The following EFHC1 variants were observed in gnomAD, a reference collection of about 807,000 sequenced individuals.
The protein encoded by EFHC1 is EF-hand domain-containing protein 1.
Under a neutral mutation model 69.9 loss-of-function variants are expected in EFHC1, and 53 were observed. That is an observed-to-expected ratio of 0.76 (90% CI 0.61 to 0.95). EFHC1 has a LOEUF of 0.95. Among genes scored for constraint, EFHC1 ranks in the 40% least tolerant of loss-of-function variants. EFHC1 has a pLI of 0.00. For missense variants in EFHC1, 739 were observed against 798.7 expected (o/e 0.93, Z 0.90); for synonymous variants, 256 against 278.4 (o/e 0.92, Z 0.80).
At chr6:52,450,899 A>G (rs929404916) in intron 3 of EFHC1, among the ~76,000 whole-genome samples, 2 of 152,116 alleles carry the variant, frequency 1.3e-5, no homozygotes, top group African/African-American at 4.8e-5. Context: ...CCCAGGCTCA[A>G]GTGATTCTCC....
Position 52,493,383 on chromosome 6 carries a change from TA to T in EFHC1, c.*1043del. The T allele has an allele frequency of 4.5e-6, 1 of 223,968 alleles. No individual in the cohort carries two copies. Among genetic ancestry groups the T allele is most frequent in the Non-Finnish European group, 8.8e-6 (1 of 113,216 alleles). The allele number at this position is 223,968 out of a possible 1,614,324, so 13.9% of individuals were successfully genotyped here. On this transcript the variant is annotated 3_prime_UTR_variant, in exon 11 of 11. Transcript: ENST00000371068. ...CTCTCTACATATATATATATATATA[TA>T]TTTTATATGTACACATTCATACACA...
At chr6:52,458,964 G>A (rs189918724) in intron 5 of EFHC1, among the ~76,000 whole-genome samples, 193 of 152,284 alleles carry the variant, frequency 1.3e-3, no homozygotes, top group Non-Finnish European at 2.1e-3. Context: ...CAGCAACGTG[G>A]ATGCAGGTAG....
chr6:52,469,526 C>T (rs914037144), intron 7 of EFHC1, 53 bp downstream of exon 7: 2 of 1,605,714 alleles, frequency 1.2e-6, no homozygotes, highest in African/African-American at 1.3e-5. Flanking sequence ...GTACTGTGTA[C>T]AATTGTTTAT....
Position 52,424,087 on chromosome 6 carries a change from G to T in EFHC1, c.205G>T (p.Ala69Ser). ...TGAGCTGGATGAGTTGGCCAGTAAG[G>T]CACCAGTCTTAACTTATGGCCAACC... is the stretch of plus-strand genomic sequence containing the variant. The part of the protein sequence containing the change: ...QAELDELASK[A>S]PVLTYGQPKQ... Residue 69 changes from alanine to serine, a missense_variant, in exon 2 of 11, where the codon GCA (alanine) becomes TCA (serine). Transcript: ENST00000371068. 6.2e-7 allele frequency: 1 copy of T among 1,614,148 alleles called. No homozygotes were observed. Among genetic ancestry groups the T allele is most frequent in the African/African-American group, 1.3e-5 (1 of 75,012 alleles).
intron 3 of EFHC1, among the ~76,000 whole-genome samples, chr6:52,448,651 T>G (rs566640657): frequency 4.6e-5 from 7 of 152,326 alleles, no homozygotes; most frequent in Non-Finnish European, 1.5e-5. Context: ...GCTGGGAGCT[T>G]CAGACTGGAG....
chr6:52,423,010 T>G (rs1316181256), intron 1 of EFHC1, among the ~76,000 whole-genome samples: 3 of 152,258 alleles, frequency 2.0e-5, no homozygotes, highest in Admixed American at 6.5e-5. Flanking sequence ...TTCATATGAC[T>G]GTCTTTTAGA....
chr6:52,428,919 T>G (rs2113970863), intron 2 of EFHC1, among the ~76,000 whole-genome samples: 1 of 152,366 alleles, frequency 6.6e-6, no homozygotes, highest in South Asian at 2.1e-4. Flanking sequence ...ATTGTGGTTT[T>G]GATTTACATT....
chr6:52,435,790 CT>C, intron 2 of EFHC1, among the ~76,000 whole-genome samples: 1 of 152,302 alleles, frequency 6.6e-6, no homozygotes, highest in Admixed American at 6.5e-5. Flanking sequence ...GATCTAAAAT[CT>C]TTCACTCTTC....
At chr6:52,421,097 A>T in intron 1 of EFHC1, 2 of 940,538 alleles carry the variant, frequency 2.1e-6, no homozygotes, top group East Asian at 1.2e-4. Flanking sequence ...TTATGCTTGC[A>T]TCCAACCCCA....
chr6:52,479,840 T>C lies in EFHC1; in HGVS notation c.1640+53T>C, dbSNP rs1765636847. On this transcript the variant is annotated intron_variant, in intron 9 of 10. Transcript: ENST00000371068. ...ACACTCAAGATATTCAGGAAGTAAT[T>C]CTTGAGAAAACAAATGAGTAATCAC... is the stretch of plus-strand genomic sequence containing the variant. 4 of 1,607,596 alleles carry C rather than the reference T, an allele frequency of 2.5e-6. No individual in the cohort carries two copies. In the Admixed American group the frequency reaches 5.0e-5, roughly 20 times the overall value.
intron 3 of EFHC1, among the ~76,000 whole-genome samples, chr6:52,439,128 C>T (rs924871662): frequency 6.6e-6 from 1 of 151,968 alleles, no homozygotes; most frequent in East Asian, 1.9e-4. Context: ...TCCTCTATTT[C>T]GTAAGTTTGG....
intron 6 of EFHC1, among the ~76,000 whole-genome samples, chr6:52,465,707 T>G (rs1343800864): frequency 6.6e-6 from 1 of 151,500 alleles, no homozygotes; most frequent in East Asian, 1.9e-4. Context: ...CTCGGGAGGC[T>G]GAGGCATGAG....
At chr6:52,460,033 C>T (rs2114002572) in intron 5 of EFHC1, among the ~76,000 whole-genome samples, 1 of 152,256 alleles carries the variant, frequency 6.6e-6, no homozygotes, top group African/African-American at 2.4e-5. Context: ...CCATTCTTTT[C>T]TTGGGTATTT....
intron 5 of EFHC1, among the ~76,000 whole-genome samples, chr6:52,458,867 T>G (rs1765100893): frequency 6.6e-6 from 1 of 152,214 alleles, no homozygotes; most frequent in Non-Finnish European, 1.5e-5. Flanking sequence ...TGCCCATCAC[T>G]GGTGGATTGG....
At chr6:52,434,674 A>G (rs1001057305) in intron 2 of EFHC1, among the ~76,000 whole-genome samples, 1 of 152,136 alleles carries the variant, frequency 6.6e-6, no homozygotes, top group Admixed American at 6.5e-5. Context: ...TGCCCGTCTG[A>G]GTGGGAGCTG....
At chr6:52,439,925 A>T (rs1764623321) in intron 3 of EFHC1, among the ~76,000 whole-genome samples, 2 of 152,186 alleles carry the variant, frequency 1.3e-5, no homozygotes, top group Non-Finnish European at 2.9e-5. Context: ...ACAGTGAGAA[A>T]TGATAAAATG....
intron 5 of EFHC1, among the ~76,000 whole-genome samples, chr6:52,457,730 T>A (rs1196990292): frequency 6.6e-6 from 1 of 152,182 alleles, no homozygotes; most frequent in Non-Finnish European, 1.5e-5. Context: ...AACCAGGTTC[T>A]GAAAGTCTAA....
chr6:52,455,522 C>T (rs1203616572), intron 5 of EFHC1, among the ~76,000 whole-genome samples: 2 of 151,902 alleles, frequency 1.3e-5, no homozygotes, highest in East Asian at 1.9e-4. Context: ...GGCGTGGTGG[C>T]GTGCACCTGT....
At position 52,494,752 on chromosome 6, in the gene EFHC1, T is replaced by C. The variant is rs577733486; in HGVS notation, c.*2411T>C. 2.2e-5 allele frequency: 10 copies of C among 453,450 alleles called. No individual in the cohort carries two copies. The East Asian group carries it at 6.3e-4, about 28-fold the overall frequency. 28.1% of individuals were successfully genotyped at this position (453,450 alleles called of 1,614,324 possible). The stretch of plus-strand genomic sequence containing the variant: ...TATTGTTCCCATCATTATGTCTATG[T>C]GTATTCAATGTTTAGCTCCCACTTA... On this transcript the variant is annotated 3_prime_UTR_variant, in exon 11 of 11. Coordinates refer to ENST00000371068, the MANE Select transcript of EFHC1 (RefSeq NM_018100.4).
Sources: allele counts gnomAD v4.1 joint callset (sites outside exome capture counted in the v4.1 genomes callset), GRCh38; gene constraint gnomAD v4.1.1; transcripts MANE v1.5; gene names NCBI Gene and HGNC (gene_info 2026-07-23, HGNC 2026-07-21).